The following ANKRD44 variants were observed in gnomAD, a reference collection of about 807,000 sequenced individuals.
ANKRD44 encodes the protein ankyrin repeat domain 44.
Under a neutral mutation model 116.0 loss-of-function variants are expected in ANKRD44, and 35 were observed. The ratio of observed to expected loss-of-function variants is 0.30; its 90% CI spans 0.23 to 0.40. ANKRD44 has a LOEUF of 0.40. Ranked by LOEUF, ANKRD44 falls within the 10% of genes least tolerant of loss-of-function variation. ANKRD44 has a pLI of 1.00. For missense variants in ANKRD44, 1,014 were observed against 1,242.6 expected, an observed-to-expected ratio of 0.82 and a Z score of 2.77; for synonymous variants, 435 against 461.8, an observed-to-expected ratio of 0.94 and a Z score of 0.74.
intron 2 of ANKRD44, among the ~76,000 whole-genome samples, chr2:197,164,548 C>T (rs1326812700): frequency 1.3e-5 from 2 of 152,214 alleles, no homozygotes; most frequent in Admixed American, 6.5e-5. Context: ...GAAACAAAGG[C>T]CGGCTTCGCG....
intron 21 of ANKRD44, among the ~76,000 whole-genome samples, chr2:197,002,727 C>G (rs1186253552): frequency 6.6e-6 from 1 of 152,084 alleles, no homozygotes; most frequent in Non-Finnish European, 1.5e-5. Context: ...CATTACAGAC[C>G]TGGTTAAAAC....
intron 1 of ANKRD44, among the ~76,000 whole-genome samples, chr2:197,220,724 T>A (rs2081566054): frequency 6.6e-6 from 1 of 152,194 alleles, no homozygotes; most frequent in African/African-American, 2.4e-5. Flanking sequence ...GACTTTAAAA[T>A]TTTAAAATGC....
chr2:197,025,058 C>G (rs1031221807), intron 17 of ANKRD44, 138 bp downstream of exon 17: 4 of 759,150 alleles, frequency 5.3e-6, no homozygotes, highest in African/African-American at 5.1e-5. Flanking sequence ...GTCTCCACAG[C>G]CTGTGCCTTT....
At chr2:197,063,901 C>T (rs2077374594) in intron 16 of ANKRD44, among the ~76,000 whole-genome samples, 1 of 152,180 alleles carries the variant, frequency 6.6e-6, no homozygotes. Flanking sequence ...AGGAGAACTT[C>T]CCCAATCTAG....
chr2:197,167,720 C>T (rs1238716323), intron 2 of ANKRD44, among the ~76,000 whole-genome samples: 1 of 152,198 alleles, frequency 6.6e-6, no homozygotes, highest in Non-Finnish European at 1.5e-5. Flanking sequence ...TTGGTTGCTT[C>T]ACCTCCCGTG....
intron 1 of ANKRD44, among the ~76,000 whole-genome samples, chr2:197,216,946 G>T (rs7562272): frequency 0.11 from 15,663 of 146,564 alleles, 878 homozygotes; most frequent in Non-Finnish European, 0.13. Context: ...TGGGGGAAAA[G>T]AAAAAAAAAG....
At chr2:197,221,704 G>C (rs561905968) in intron 1 of ANKRD44, among the ~76,000 whole-genome samples, 2 of 152,174 alleles carry the variant, frequency 1.3e-5, no homozygotes, top group Non-Finnish European at 2.9e-5. Context: ...CCAGAAGGTC[G>C]TTGGTAATGG....
chr2:197,219,550 A>G (rs1319702044), intron 1 of ANKRD44, among the ~76,000 whole-genome samples: 2 of 152,236 alleles, frequency 1.3e-5, no homozygotes, highest in East Asian at 3.9e-4. Context: ...TAAATGCATC[A>G]TATACATTAG....
At chr2:197,282,100 A>G (rs1377613911) in intron 1 of ANKRD44, among the ~76,000 whole-genome samples, 1 of 152,066 alleles carries the variant, frequency 6.6e-6, no homozygotes, top group East Asian at 1.9e-4. Flanking sequence ...AAAAATACAG[A>G]AAATTAACCA....
chr2:197,076,808 A>G (rs2077678072), intron 16 of ANKRD44, among the ~76,000 whole-genome samples: 1 of 152,070 alleles, frequency 6.6e-6, no homozygotes, highest in Admixed American at 6.6e-5. Context: ...CTCCAGCTGT[A>G]TCCATGTTCC....
intron 1 of ANKRD44, among the ~76,000 whole-genome samples, chr2:197,296,829 T>A (rs1329356812): frequency 1.3e-5 from 2 of 152,208 alleles, no homozygotes. Context: ...TAAAGTAACT[T>A]TTTACAATGT....
chr2:197,084,268 C>G (rs982044036), intron 13 of ANKRD44, among the ~76,000 whole-genome samples: 14 of 152,142 alleles, frequency 9.2e-5, no homozygotes, highest in Non-Finnish European at 1.8e-4. Context: ...CTACATCCCC[C>G]CTACCTTTGT....
chr2:197,249,595 A>G (rs2082272422), intron 1 of ANKRD44, among the ~76,000 whole-genome samples: 1 of 152,232 alleles, frequency 6.6e-6, no homozygotes. Context: ...CAGCTGCACT[A>G]AAGTTTATTT....
At chr2:197,101,782 G>A (rs923776951) in intron 9 of ANKRD44, among the ~76,000 whole-genome samples, 2 of 152,052 alleles carry the variant, frequency 1.3e-5, no homozygotes, top group Admixed American at 1.3e-4. Flanking sequence ...TAGCATATGT[G>A]GGGAGTACTT....
At chr2:197,150,466 A>G (rs190123342) in intron 2 of ANKRD44, among the ~76,000 whole-genome samples, 426 of 152,012 alleles carry the variant, frequency 2.8e-3, no homozygotes, top group East Asian at 0.016. Context: ...GGAGAATGGC[A>G]TGAACCCGGG....
At chr2:196,972,530 C>T (rs959389969) in intron 21 of ANKRD44, among the ~76,000 whole-genome samples, 1 of 152,120 alleles carries the variant, frequency 6.6e-6, no homozygotes, top group Non-Finnish European at 1.5e-5. Flanking sequence ...TTGAATAGTT[C>T]TTGCAGGTTG....
At chr2:197,157,208 C>T (rs1325561073) in intron 2 of ANKRD44, among the ~76,000 whole-genome samples, 2 of 151,996 alleles carry the variant, frequency 1.3e-5, no homozygotes, top group African/African-American at 2.4e-5. Flanking sequence ...TAAAAATACC[C>T]CTAAGCAACA....
intron 1 of ANKRD44, among the ~76,000 whole-genome samples, chr2:197,272,743 A>G (rs1421213756): frequency 2.0e-5 from 3 of 152,142 alleles, no homozygotes; most frequent in Non-Finnish European, 4.4e-5. Context: ...GAAGACAGAC[A>G]TCTATGAACC....
chr2:197,009,742 T>C (rs978914357), intron 18 of ANKRD44, among the ~76,000 whole-genome samples: 1 of 152,298 alleles, frequency 6.6e-6, no homozygotes, highest in East Asian at 1.9e-4. Flanking sequence ...GGCTTCCAGC[T>C]CAAGGTAGTT....
Sources: gnomAD v4.1 joint callset for allele counts (sites outside exome capture counted in the v4.1 genomes callset) on GRCh38, gnomAD v4.1.1 for gene constraint, MANE v1.5 for transcripts, NCBI Gene and HGNC (gene_info 2026-07-23, HGNC 2026-07-21) for gene names.